BRDT: variants seen among roughly 807,000 people sequenced by gnomAD.
BRDT encodes the protein bromodomain testis-specific protein.
A neutral mutation model predicts 113.9 loss-of-function variants in BRDT; 77 were observed. That is an observed-to-expected ratio of 0.68 (90% CI 0.56 to 0.82). The LOEUF is 0.82. Ranked by LOEUF, BRDT falls within the 40% of genes least tolerant of loss-of-function variation. BRDT has a pLI of 0.00. For missense variants in BRDT, 1,027 were observed against 1,105.4 expected (o/e 0.93, Z 1.01); for synonymous variants, 358 against 366.5 (o/e 0.98, Z 0.26).
chr1:91,976,323 C>A lies in BRDT; in HGVS notation c.503C>A (p.Thr168Lys). ...SAKEKSSPSA[T>K]EKVFKQQEIP... ...AAAGAAAAATCATCACCCAGCGCAA[C>A]AGAAAAAGTATTTAAGCAGCAAGAA... The change falls in exon 5 of 19, where the codon ACA becomes AAA. Residue 168 changes from threonine to lysine, a missense_variant. Coordinates refer to ENST00000399546, the MANE Select transcript of BRDT (RefSeq NM_207189.4). 2.5e-6 allele frequency: 4 copies of A among 1,612,228 alleles called. No individual in the cohort carries two copies. Among genetic ancestry groups the A allele is most frequent in the Non-Finnish European group, 3.4e-6 (4 of 1,179,338 alleles).
Position 91,981,135 on chromosome 1 carries a change from A to G in BRDT, c.1707A>G (p.Lys569=). 2 of 1,613,034 alleles carry G rather than the reference A, an allele frequency of 1.2e-6. No individual in the cohort carries two copies. Among genetic ancestry groups the G allele is most frequent in the Non-Finnish European group, 1.7e-6 (2 of 1,179,784 alleles). The change falls in exon 10 of 19, where the codon AAA becomes AAG. Residue 569 remains lysine (K), a synonymous_variant. Transcript: ENST00000399546. The part of the protein sequence containing the change: ...LKASTLRELE[K]YVSACLRKRP... ...CATCAACACTAAGAGAATTAGAAAA[A>G]TATGTTTCGGCATGTCTAAGAAAGA... is the stretch of plus-strand genomic sequence containing the variant.
chr1:92,008,422 G>C (rs1377165374), intron 18 of BRDT, among the ~76,000 whole-genome samples: 2 of 151,836 alleles, frequency 1.3e-5, no homozygotes, highest in Non-Finnish European at 2.9e-5. Context: ...GCAAAACCAA[G>C]CTGAAAATAC....
chr1:92,008,640 G>A (rs1002033110), intron 18 of BRDT, among the ~76,000 whole-genome samples: 12 of 152,282 alleles, frequency 7.9e-5, no homozygotes, highest in African/African-American at 2.9e-4. Context: ...TTCCTGCCCT[G>A]AAAGTCTCCT....
chr1:91,998,857 C>T (rs1267429475), intron 15 of BRDT, among the ~76,000 whole-genome samples: 1 of 152,152 alleles, frequency 6.6e-6, no homozygotes, highest in Non-Finnish European at 1.5e-5. Flanking sequence ...TTAGGCAACT[C>T]ATAATTCCAT....
In BRDT at chr1:91,953,663, G is replaced by A. The variant is rs367859437; in HGVS notation, c.-38+3981G>A. 9.5e-4 allele frequency among the ~76,000 whole-genome samples: 145 copies of A among 152,266 alleles called. 1 individual carries two copies. The South Asian group carries it at 0.03, about 31-fold the overall frequency. ...CCACTGCATTCCAGCCTGGGTGACA[G>A]CAAGAAAAAGATTCTTTTCAGAGTT... On this transcript the variant is annotated intron_variant, in intron 1 of 18. Coordinates refer to ENST00000399546, the MANE Select transcript of BRDT (RefSeq NM_207189.4).
chr1:92,005,827 T>TA (rs1220458063), intron 18 of BRDT, among the ~76,000 whole-genome samples: 3 of 152,236 alleles, frequency 2.0e-5, no homozygotes, highest in Non-Finnish European at 2.9e-5. Flanking sequence ...TGTTACTGTT[T>TA]AAAAATCTGT....
chr1:92,002,085 T>A lies in BRDT; in HGVS notation c.2324T>A (p.Met775Lys). ...CAGCTCTCAAATGGCATAACTGTGA[T>A]GCATCCATCTGGTGATAGTGACACA... ...SEQLSNGITV[M>K]HPSGDSDTTM... Residue 775 changes from methionine (M) to lysine (K), a missense_variant, in exon 16 of 19, where the codon ATG becomes AAG. Coordinates refer to ENST00000399546, the MANE Select transcript of BRDT (RefSeq NM_207189.4). The A allele has an allele frequency of 6.2e-7, 1 of 1,614,000 alleles. No homozygotes were observed. Among genetic ancestry groups the A allele is most frequent in the South Asian group, 1.1e-5 (1 of 91,066 alleles).
intron 12 of BRDT, 26 bp downstream of exon 12, chr1:91,981,781 CTG>C (rs1454304724): frequency 6.4e-7 from 1 of 1,573,836 alleles, no homozygotes; most frequent in Non-Finnish European, 8.6e-7. Context: ...AAATGTACCT[CTG>C]TTGATGGGAG....
intron 12 of BRDT, among the ~76,000 whole-genome samples, chr1:91,985,884 C>T (rs1037448984): frequency 1.3e-5 from 2 of 151,808 alleles, no homozygotes; most frequent in African/African-American, 2.4e-5. Context: ...GTGATCCGCC[C>T]GCCTCGGCCT....
At chr1:91,955,069 T>C (rs1313331023) in intron 1 of BRDT, among the ~76,000 whole-genome samples, 2 of 152,182 alleles carry the variant, frequency 1.3e-5, no homozygotes, top group African/African-American at 4.8e-5. Flanking sequence ...AGGTGGCATA[T>C]TGGAATGTGA....
chr1:91,962,314 A>G (rs1445870904), intron 1 of BRDT, among the ~76,000 whole-genome samples: 2 of 138,632 alleles, frequency 1.4e-5, no homozygotes, highest in African/African-American at 5.4e-5. Flanking sequence ...CTTAATCATG[A>G]TGTGCTTTAA....
At chr1:91,975,704 C>G (rs1377382138) in intron 4 of BRDT, among the ~76,000 whole-genome samples, 5 of 152,168 alleles carry the variant, frequency 3.3e-5, no homozygotes, top group African/African-American at 1.2e-4. Context: ...GAAGGTTGAA[C>G]TTTTGAAATA....
At chr1:91,998,272 T>C (rs1686527004) in intron 15 of BRDT, among the ~76,000 whole-genome samples, 1 of 151,960 alleles carries the variant, frequency 6.6e-6, no homozygotes, top group Admixed American at 6.6e-5. Context: ...AACCAAACAC[T>C]GCATGTTCTC....
At chr1:91,950,956 A>G (rs987861488) in intron 1 of BRDT, 3 of 151,744 alleles carry the variant, frequency 2.0e-5, no homozygotes, top group African/African-American at 7.3e-5. Context: ...ACCCAGGAGG[A>G]AGTGGATGTG....
At chr1:91,959,429 T>TA (rs892328796) in intron 1 of BRDT, among the ~76,000 whole-genome samples, 2 of 150,990 alleles carry the variant, frequency 1.3e-5, no homozygotes, top group Non-Finnish European at 3.0e-5. Context: ...CTTTTTTTTT[T>TA]TTTTTTTATT....
At chr1:91,980,452 A>C (rs538274784) in intron 8 of BRDT, among the ~76,000 whole-genome samples, 191 bp from the exon 9 acceptor site, 1 of 152,214 alleles carries the variant, frequency 6.6e-6, no homozygotes, top group Admixed American at 6.5e-5. Flanking sequence ...AGCACATGAT[A>C]GTTTTTGTAA....
At chr1:91,958,377 G>A (rs1028785014) in intron 1 of BRDT, among the ~76,000 whole-genome samples, 2 of 151,602 alleles carry the variant, frequency 1.3e-5, no homozygotes, top group African/African-American at 2.4e-5. Context: ...TGCCATGCCC[G>A]GCTAGTTTTC....
At chr1:91,996,182 T>C (rs184583948) in intron 15 of BRDT, among the ~76,000 whole-genome samples, 1 of 152,300 alleles carries the variant, frequency 6.6e-6, no homozygotes, top group Admixed American at 6.5e-5. Context: ...ATATACAAAT[T>C]TGTATACTTT....
At chr1:91,958,036 T>A (rs1681986619) in intron 1 of BRDT, among the ~76,000 whole-genome samples, 1 of 152,030 alleles carries the variant, frequency 6.6e-6, no homozygotes, top group African/African-American at 2.4e-5. Flanking sequence ...GACAGGGAAG[T>A]CTCACCATGT....
Sources: gnomAD v4.1 joint callset for allele counts (sites outside exome capture counted in the v4.1 genomes callset) on GRCh38, gnomAD v4.1.1 for gene constraint, MANE v1.5 for transcripts, NCBI Gene and HGNC (gene_info 2026-07-23, HGNC 2026-07-21) for gene names.